IKZF1: variants seen among roughly 807,000 people sequenced by gnomAD.
IKZF1 encodes the protein IKAROS family zinc finger 1.
In IKZF1, 10 loss-of-function variants were observed where a neutral mutation model predicts 51.7. The observed-to-expected ratio is 0.19, with a 90% CI of 0.12 to 0.33. The LOEUF (loss-of-function observed/expected upper bound fraction) is 0.33. Among genes scored for constraint, IKZF1 ranks in the 10% least tolerant of loss-of-function variants. The probability of loss-of-function intolerance (pLI) is 1.00; values close to 1 mark genes in which losing one functional copy is unlikely to be tolerated. For missense variants in IKZF1, 484 were observed against 707.5 expected, an observed-to-expected ratio of 0.68 and a Z score of 3.58; for synonymous variants, 280 against 282.3, an observed-to-expected ratio of 0.99 and a Z score of 0.08.
At chr7:50,385,359 C>A (rs1490887899) in intron 5 of IKZF1, among the ~76,000 whole-genome samples, 2 of 152,198 alleles carry the variant, frequency 1.3e-5, no homozygotes, top group Non-Finnish European at 2.9e-5. Context: ...CCATGAAAAA[C>A]CAGGATCAAC....
At chr7:50,399,144 TAAC>T (rs1328785820) in intron 7 of IKZF1, among the ~76,000 whole-genome samples, 1 of 152,196 alleles carries the variant, frequency 6.6e-6, no homozygotes, top group African/African-American at 2.4e-5. Context: ...TTTTAAAAAA[TAAC>T]AGATGAATAG....
intron 3 of IKZF1, among the ~76,000 whole-genome samples, chr7:50,331,780 C>T (rs1401360114): frequency 6.6e-6 from 1 of 152,220 alleles, no homozygotes; most frequent in Non-Finnish European, 1.5e-5. Flanking sequence ...GGAGACAGAG[C>T]CAGAGGGCAG....
intron 3 of IKZF1, 79 bp downstream of exon 3, chr7:50,327,836 G>A: frequency 7.0e-7 from 1 of 1,422,198 alleles, no homozygotes; most frequent in Non-Finnish European, 9.4e-7. Context: ...ATGAAGGGAT[G>A]CAAGTCATTT....
intron 3 of IKZF1, among the ~76,000 whole-genome samples, chr7:50,370,778 G>A (rs1307088343): frequency 1.3e-5 from 2 of 152,128 alleles, no homozygotes; most frequent in Non-Finnish European, 2.9e-5. Flanking sequence ...TCCATTTCAT[G>A]TTCTATATTT....
chr7:50,353,292 T>C (rs1337835936), intron 3 of IKZF1, among the ~76,000 whole-genome samples: 1 of 152,174 alleles, frequency 6.6e-6, no homozygotes, highest in East Asian at 1.9e-4. Flanking sequence ...AAGCTGCCTT[T>C]CCTCTTCCTC....
chr7:50,314,204 G>A (rs1460563586), intron 1 of IKZF1, among the ~76,000 whole-genome samples: 2 of 152,040 alleles, frequency 1.3e-5, no homozygotes, highest in Non-Finnish European at 2.9e-5. Context: ...TCCACCTTCC[G>A]GGTTCATGCC....
intron 3 of IKZF1, among the ~76,000 whole-genome samples, chr7:50,373,191 C>T (rs900786858): frequency 6.6e-6 from 1 of 152,228 alleles, no homozygotes; most frequent in Non-Finnish European, 1.5e-5. Flanking sequence ...CTGCAAGCAG[C>T]CTGCTGTAGC....
intron 5 of IKZF1, 99 bp from the exon 6 acceptor site, chr7:50,387,246 T>G (rs988480375): frequency 5.7e-6 from 8 of 1,414,408 alleles, no homozygotes; most frequent in Middle Eastern, 1.9e-4. Context: ...GTAGAATTTT[T>G]TTTTTAACTT....
chr7:50,346,882 A>G (rs1360877720), intron 3 of IKZF1, among the ~76,000 whole-genome samples: 1 of 152,236 alleles, frequency 6.6e-6, no homozygotes, highest in Non-Finnish European at 1.5e-5. Flanking sequence ...CTGAGCAGGA[A>G]TAACACCTTC....
intron 1 of IKZF1, among the ~76,000 whole-genome samples, chr7:50,314,309 G>A (rs1306218992): frequency 2.0e-5 from 3 of 151,962 alleles, no homozygotes; most frequent in African/African-American, 4.8e-5. Flanking sequence ...ACGGGGTTTC[G>A]CCGTGTTAGC....
intron 3 of IKZF1, among the ~76,000 whole-genome samples, chr7:50,360,992 G>T (rs1445037208): frequency 6.6e-6 from 1 of 152,174 alleles, no homozygotes; most frequent in Non-Finnish European, 1.5e-5. Flanking sequence ...CAGTGATCCA[G>T]CACAAATCTC....
intron 5 of IKZF1, among the ~76,000 whole-genome samples, chr7:50,383,191 CT>C (rs1407969048): frequency 2.0e-5 from 3 of 152,232 alleles, no homozygotes; most frequent in Non-Finnish European, 4.4e-5. Context: ...CCCACCCAGA[CT>C]GAGCCCCGTG....
intron 3 of IKZF1, among the ~76,000 whole-genome samples, chr7:50,340,930 G>C (rs1428351497): frequency 1.3e-5 from 2 of 152,130 alleles, no homozygotes; most frequent in Non-Finnish European, 2.9e-5. Flanking sequence ...CAGTTTTAAA[G>C]CATTATTGCT....
In IKZF1 at chr7:50,401,018, G is replaced by A; in HGVS notation, c.*391G>A. The A allele has an allele frequency of 3.0e-6, 1 of 334,442 alleles. No homozygotes were observed. Among genetic ancestry groups the A allele is most frequent in the Non-Finnish European group, 5.5e-6 (1 of 180,598 alleles). 20.7% of individuals were successfully genotyped at this position (334,442 alleles called of 1,614,324 possible). A position where few individuals can be genotyped will look rare whatever the true frequency, so the allele number is the denominator to read the frequency against. ...GTGCTCTACCCTGTGCTAAGCACGGGGTTCGCGCACCAGGTGTCTTTTTCC... is the reference window on the plus strand; with the variant it reads ...GTGCTCTACCCTGTGCTAAGCACGGAGTTCGCGCACCAGGTGTCTTTTTCC... On this transcript the variant is annotated 3_prime_UTR_variant, in exon 8 of 8. Transcript: ENST00000331340.
At chr7:50,337,661 T>C (rs903308269) in intron 3 of IKZF1, among the ~76,000 whole-genome samples, 1 of 152,204 alleles carries the variant, frequency 6.6e-6, no homozygotes, top group Non-Finnish European at 1.5e-5. Flanking sequence ...TGGCACTGCT[T>C]TCTCAAAGAT....
At chr7:50,306,899 A>G (rs1030281656) in intron 1 of IKZF1, among the ~76,000 whole-genome samples, 5 of 152,234 alleles carry the variant, frequency 3.3e-5, no homozygotes, top group African/African-American at 1.2e-4. Flanking sequence ...AGAACTCTCT[A>G]TATATTAATG....
At chr7:50,396,060 T>C (rs75325999) in intron 7 of IKZF1, among the ~76,000 whole-genome samples, 2,019 of 152,314 alleles carry the variant, frequency 0.013, 43 homozygotes, top group African/African-American at 0.044. Context: ...GTCTATTCAT[T>C]CGGAATAAAA....
At chr7:50,371,380 C>T (rs1022416778) in intron 3 of IKZF1, among the ~76,000 whole-genome samples, 3 of 152,232 alleles carry the variant, frequency 2.0e-5, no homozygotes, top group Non-Finnish European at 4.4e-5. Flanking sequence ...GCAGAGCCTC[C>T]GTCACAACTG....
At chr7:50,390,813 A>G (rs1268837982) in intron 6 of IKZF1, among the ~76,000 whole-genome samples, 1 of 152,248 alleles carries the variant, frequency 6.6e-6, no homozygotes, top group Admixed American at 6.5e-5. Flanking sequence ...TTTGAAGAAT[A>G]GACAAACAAA....
Sources: allele counts gnomAD v4.1 joint callset (sites outside exome capture counted in the v4.1 genomes callset), GRCh38; gene constraint gnomAD v4.1.1; transcripts MANE v1.5; gene names NCBI Gene and HGNC (gene_info 2026-07-23, HGNC 2026-07-21).